The following DACH2 variants were observed in gnomAD, a reference collection of about 807,000 sequenced individuals.
DACH2 encodes dachshund family transcription factor 2.
A neutral mutation model predicts 35.8 loss-of-function variants in DACH2; 17 were observed. The ratio of observed to expected loss-of-function variants is 0.48; its 90% confidence interval spans 0.33 to 0.71. The LOEUF (loss-of-function observed/expected upper bound fraction) is 0.71, where lower values mean the gene tolerates loss of function less well. DACH2 is among the 30% of genes least tolerant of loss of function. The pLI, the probability that DACH2 is intolerant of heterozygous loss-of-function variation, is 0.02. For synonymous variants in DACH2, 195 were observed against 177.3 expected (o/e 1.10, Z -0.79); for missense variants, 469 against 472.7 (o/e 0.99, Z 0.07).
chrX:86,770,358 A>G (rs1329657754), intron 7 of DACH2, among the ~76,000 whole-genome samples: 1 of 111,837 alleles, frequency 8.9e-6, no homozygotes, highest in Non-Finnish European at 1.9e-5. Context: ...TATTTTGAGG[A>G]ATCATGGAGA....
intron 4 of DACH2, among the ~76,000 whole-genome samples, chrX:86,690,170 G>A (rs187680513): frequency 8.9e-6 from 1 of 111,780 alleles, no homozygotes; most frequent in Admixed American, 9.6e-5. Context: ...ATGATTGCTT[G>A]GAATTTTTAT....
chrX:86,451,999 C>T (rs1372615371), intron 2 of DACH2, among the ~76,000 whole-genome samples: 1 of 110,757 alleles, frequency 9.0e-6, no homozygotes, highest in Non-Finnish European at 1.9e-5. Context: ...GAGGTATGTT[C>T]CTTCATTATA....
intron 1 of DACH2, among the ~76,000 whole-genome samples, chrX:86,153,037 G>A (rs2030419974): frequency 9.0e-6 from 1 of 111,358 alleles, no homozygotes; most frequent in African/African-American, 3.2e-5. Context: ...ATAAATTTTA[G>A]TGTTTCTCTT....
intron 4 of DACH2, among the ~76,000 whole-genome samples, chrX:86,655,018 A>G (rs2040523549): frequency 9.0e-6 from 1 of 111,696 alleles, no homozygotes; most frequent in African/African-American, 3.3e-5. Flanking sequence ...TGGGTCACCT[A>G]TCTCACCATA....
intron 3 of DACH2, among the ~76,000 whole-genome samples, chrX:86,545,688 T>C (rs1340999753): frequency 2.7e-5 from 3 of 112,240 alleles, no homozygotes; most frequent in African/African-American, 9.7e-5. Flanking sequence ...ACTCAGTTTA[T>C]TCTGGTAAGT....
chrX:86,679,412 A>G (rs2040854278), intron 4 of DACH2, among the ~76,000 whole-genome samples: 1 of 112,006 alleles, frequency 8.9e-6, no homozygotes, highest in African/African-American at 3.2e-5. Flanking sequence ...ACAAAGTTCT[A>G]AAACATACAT....
chrX:86,612,142 T>C (rs1448442385), intron 3 of DACH2, among the ~76,000 whole-genome samples: 4 of 108,330 alleles, frequency 3.7e-5, no homozygotes, highest in African/African-American at 1.3e-4. Context: ...TGTATAGAAA[T>C]GTCATCCAGG....
rs2032415360 is a variant in DACH2 at position 86,210,304 on chromosome X, A to G, written c.488+61196A>G. On this transcript the variant is annotated intron_variant, in intron 1 of 11. Coordinates refer to ENST00000373125, the MANE Select transcript of DACH2 (RefSeq NM_053281.3). ...TACTATCTCTATTTTTTTGAATTACATATTATATCATGATCACAAAAGCGA... is the reference window on the plus strand; with the variant it reads ...TACTATCTCTATTTTTTTGAATTACGTATTATATCATGATCACAAAAGCGA... 6.3e-5 allele frequency among the ~76,000 whole-genome samples: 7 copies of G among 111,895 alleles called. No homozygotes were observed. The South Asian group carries it at 2.6e-3, about 41-fold the overall frequency.
chrX:86,217,536 A>C (rs988057641), intron 1 of DACH2, among the ~76,000 whole-genome samples: 3 of 111,938 alleles, frequency 2.7e-5, no homozygotes, highest in African/African-American at 9.7e-5. Context: ...AGAAAATGAA[A>C]GGTTCATTTA....
chrX:86,683,284 C>T (rs2040903153), intron 4 of DACH2, among the ~76,000 whole-genome samples: 2 of 110,648 alleles, frequency 1.8e-5, no homozygotes, highest in South Asian at 7.6e-4. Context: ...TTAAGAAGTC[C>T]TAGGATTAAT....
chrX:86,226,557 G>A (rs141295595), intron 1 of DACH2, among the ~76,000 whole-genome samples: 1 of 111,758 alleles, frequency 8.9e-6, no homozygotes, highest in Non-Finnish European at 1.9e-5. Flanking sequence ...AGAGATTAAA[G>A]TCTCCATCTA....
At chrX:86,753,473 C>A (rs2041796164) in intron 7 of DACH2, among the ~76,000 whole-genome samples, 1 of 111,443 alleles carries the variant, frequency 9.0e-6, no homozygotes, top group South Asian at 3.7e-4. Flanking sequence ...ATAGATCAGA[C>A]CTGATCTTGT....
At chrX:86,777,066 A>C (rs181261275) in intron 7 of DACH2, among the ~76,000 whole-genome samples, 3 of 111,635 alleles carry the variant, frequency 2.7e-5, no homozygotes, top group Admixed American at 9.5e-5. Flanking sequence ...ATGTGTCTTT[A>C]TAGCAGCATG....
intron 1 of DACH2, among the ~76,000 whole-genome samples, chrX:86,283,871 TACACACACAC>T (rs111448832): frequency 2.0e-5 from 2 of 102,142 alleles, no homozygotes; most frequent in Non-Finnish European, 4.0e-5. Context: ...TTAAAGTATA[TACACACACAC>T]ACACACACAC....
At chrX:86,295,248 A>G (rs889665932) in intron 1 of DACH2, among the ~76,000 whole-genome samples, 3 of 112,033 alleles carry the variant, frequency 2.7e-5, no homozygotes, top group Non-Finnish European at 5.6e-5. Flanking sequence ...GTGCTTCCCA[A>G]GTGAGGCAAT....
intron 2 of DACH2, among the ~76,000 whole-genome samples, chrX:86,458,925 G>A (rs972129931): frequency 9.1e-6 from 1 of 110,394 alleles, no homozygotes; most frequent in East Asian, 2.8e-4. Context: ...TGTAGGTGAC[G>A]AGTTGATAGG....
At chrX:86,668,007 G>A (rs753000367) in intron 4 of DACH2, among the ~76,000 whole-genome samples, 1 of 111,781 alleles carries the variant, frequency 8.9e-6, no homozygotes, top group South Asian at 3.7e-4. Flanking sequence ...ATACCTCTTA[G>A]TTTATATTTC....
chrX:86,723,737 C>T (rs866989134), intron 6 of DACH2, among the ~76,000 whole-genome samples: 2 of 111,610 alleles, frequency 1.8e-5, no homozygotes, highest in Non-Finnish European at 3.8e-5. Context: ...GAGACTGTTC[C>T]ATGTGCTGAA....
chrX:86,816,937 G>A (rs182877205), intron 11 of DACH2, among the ~76,000 whole-genome samples: 1 of 112,042 alleles, frequency 8.9e-6, no homozygotes, highest in African/African-American at 3.2e-5. Context: ...TGAATATGTT[G>A]CTCGCTGGAA....
Sources: gnomAD v4.1 joint callset for allele counts (sites outside exome capture counted in the v4.1 genomes callset) on GRCh38, gnomAD v4.1.1 for gene constraint, MANE v1.5 for transcripts, NCBI Gene and HGNC (gene_info 2026-07-23, HGNC 2026-07-21) for gene names.